The following PERP variants were observed in gnomAD, a reference collection of about 807,000 sequenced individuals.
PERP encodes p53 apoptosis effector related to PMP-22.
A neutral mutation model predicts 20.3 loss-of-function variants in PERP; 11 were observed. That is an observed-to-expected ratio of 0.54 (90% CI 0.34 to 0.90). The LOEUF (loss-of-function observed/expected upper bound fraction) is 0.90. Among genes scored for constraint, PERP ranks in the 40% least tolerant of loss-of-function variants. The probability of loss-of-function intolerance (pLI) is 0.02; values close to 1 mark genes in which losing one functional copy is unlikely to be tolerated. For synonymous variants in PERP, 101 were observed against 102.0 expected, an observed-to-expected ratio of 0.99 and a Z score of 0.06; for missense variants, 224 against 249.4, an observed-to-expected ratio of 0.90 and a Z score of 0.69.
intron 1 of PERP, among the ~76,000 whole-genome samples, chr6:138,106,182 AG>A (rs1302109238): frequency 1.3e-5 from 2 of 152,308 alleles, no homozygotes; most frequent in East Asian, 3.9e-4. Context: ...CGGTAGGTAA[AG>A]CCCATTTGGC....
At chr6:138,092,381 A>G in intron 2 of PERP, 113 bp from the exon 3 acceptor site, 1 of 953,276 alleles carries the variant, frequency 1.0e-6, no homozygotes. Flanking sequence ...AAATAAGTAT[A>G]AAATCTACCT....
intron 2 of PERP, among the ~76,000 whole-genome samples, chr6:138,095,660 C>T (rs1404398526): frequency 6.6e-6 from 1 of 152,176 alleles, no homozygotes; most frequent in Non-Finnish European, 1.5e-5. Flanking sequence ...AATCTAACTC[C>T]GTGGCTAGGG....
intron 1 of PERP, among the ~76,000 whole-genome samples, chr6:138,100,728 C>T (rs576572990): frequency 2.6e-5 from 4 of 152,082 alleles, no homozygotes; most frequent in South Asian, 2.1e-4. Flanking sequence ...AAGGGAAGAC[C>T]AATTTGGTGT....
intron 1 of PERP, among the ~76,000 whole-genome samples, chr6:138,097,626 A>G (rs1219831306): frequency 6.6e-6 from 1 of 152,160 alleles, no homozygotes; most frequent in African/African-American, 2.4e-5. Context: ...TATTGTTTCT[A>G]TTTTAGAAAT....
chr6:138,104,069 TGAACAAGCTGGA>T (rs1775810980), intron 1 of PERP, among the ~76,000 whole-genome samples: 1 of 152,208 alleles, frequency 6.6e-6, no homozygotes, highest in Non-Finnish European at 1.5e-5. Context: ...ATTCTCCCCT[TGAACAAGCTGGA>T]GCTTGCCTGT....
chr6:138,098,233 A>C (rs541432977), intron 1 of PERP, among the ~76,000 whole-genome samples: 1 of 152,158 alleles, frequency 6.6e-6, no homozygotes, highest in South Asian at 2.1e-4. Flanking sequence ...TCTTGGCGTT[A>C]CTCTTACTCT....
chr6:138,107,287 G>A lies in PERP; in HGVS notation c.54C>T (p.Leu18=). The change falls in exon 1 of 3, where the codon CTC becomes CTT. Residue 18 remains leucine (L), a synonymous_variant. Coordinates refer to ENST00000421351, the MANE Select transcript of PERP (RefSeq NM_022121.5). This position sits in a 1 kb window ranked among gnomAD's most constrained non-coding sequence, Gnocchi z 4.8. ...CERCRWILPL[L]LLSAIAFDII... Reference sequence around the variant, plus strand: ...TGTCGAAGGCGATGGCGCTGAGTAGGAGCAGGGGCAGGATCCAGCGGCAGC... The same window carrying A: ...TGTCGAAGGCGATGGCGCTGAGTAGAAGCAGGGGCAGGATCCAGCGGCAGC... The A allele has an allele frequency of 1.2e-6, 2 of 1,610,114 alleles. No individual in the cohort carries two copies. The highest frequency in any genetic ancestry group is 2.2e-5 in the East Asian group (1 of 44,832).
chr6:138,106,663 A>G (rs569700557), intron 1 of PERP, among the ~76,000 whole-genome samples: 1 of 152,324 alleles, frequency 6.6e-6, no homozygotes, highest in South Asian at 2.1e-4. Context: ...TTTAAATGAG[A>G]AAGTTTTTTC....
Position 138,107,021 on chromosome 6 carries a change from C to T in PERP, c.214+106G>A, listed in dbSNP as rs1488522206. The T allele has an allele frequency of 2.6e-6, 3 of 1,161,194 alleles. No individual in the cohort carries two copies. The highest frequency in any genetic ancestry group is 2.7e-5 in the Admixed American group (1 of 37,660). 71.9% of individuals were successfully genotyped at this position (1,161,194 alleles called of 1,614,324 possible). A position where few individuals can be genotyped will look rare whatever the true frequency, so the allele number is the denominator to read the frequency against. ...TCCTAAACAGGCATTCTGAAAAGCA[C>T]TGGCTCCCCCGACCCTGTGAGGGCC... is the stretch of plus-strand genomic sequence containing the variant. On this transcript the variant is annotated intron_variant, in intron 1 of 2. Coordinates refer to ENST00000421351, the MANE Select transcript of PERP (RefSeq NM_022121.5). The surrounding 1 kb of genome is among the most constrained non-coding windows in gnomAD (Gnocchi z 4.8).
chr6:138,095,295 T>C (rs1775662892), intron 2 of PERP, among the ~76,000 whole-genome samples: 1 of 152,214 alleles, frequency 6.6e-6, no homozygotes, highest in South Asian at 2.1e-4. Flanking sequence ...CTGTCAAATG[T>C]GCCGTGAAGA....
intron 1 of PERP, among the ~76,000 whole-genome samples, chr6:138,104,347 G>C (rs1775814811): frequency 6.6e-6 from 1 of 152,130 alleles, no homozygotes; most frequent in Non-Finnish European, 1.5e-5. Context: ...TAATTTAGCT[G>C]GTCAAAGAAA....
intron 2 of PERP, among the ~76,000 whole-genome samples, chr6:138,092,562 G>C (rs1775606478): frequency 6.6e-6 from 1 of 152,008 alleles, no homozygotes; most frequent in Admixed American, 6.6e-5. Context: ...ATATACTAAA[G>C]CAAAAAAGTG....
At chr6:138,094,459 T>A (rs1313747986) in intron 2 of PERP, among the ~76,000 whole-genome samples, 1 of 152,208 alleles carries the variant, frequency 6.6e-6, no homozygotes, top group Admixed American at 6.5e-5. Context: ...GTAGCATATA[T>A]CAAAATTTCA....
In PERP at chr6:138,089,077, G is replaced by A. The variant is rs1487264313; in HGVS notation, c.*2965C>T. The A allele has an allele frequency of 6.6e-6, 1 of 152,038 alleles. No individual in the cohort carries two copies. The highest frequency in any genetic ancestry group is 1.5e-5 in the Non-Finnish European group (1 of 68,006). The allele number at this position is 152,038 out of a possible 1,614,324, so 9.4% of individuals were successfully genotyped here. On this transcript the variant is annotated 3_prime_UTR_variant, in exon 3 of 3. Transcript: ENST00000421351. Reference sequence around the variant, plus strand: ...TTCTATCAATCAGAGAATCTTGAAGGTAGGGGGATCATTTACAATCATTTT... The same window carrying A: ...TTCTATCAATCAGAGAATCTTGAAGATAGGGGGATCATTTACAATCATTTT...
intron 1 of PERP, among the ~76,000 whole-genome samples, chr6:138,103,969 C>G (rs1379965057): frequency 1.3e-5 from 2 of 152,140 alleles, no homozygotes; most frequent in Admixed American, 6.5e-5. Flanking sequence ...AAACCGGAGG[C>G]TTTGTACTTC....
intron 2 of PERP, among the ~76,000 whole-genome samples, chr6:138,096,074 A>G (rs1328495996): frequency 6.6e-6 from 1 of 152,196 alleles, no homozygotes; most frequent in East Asian, 1.9e-4. Flanking sequence ...TTTCTCGGGT[A>G]GAGGAGTCAG....
intron 1 of PERP, among the ~76,000 whole-genome samples, chr6:138,101,423 CTTTTA>C (rs1326666248): frequency 2.6e-5 from 4 of 152,146 alleles, no homozygotes; most frequent in African/African-American, 4.8e-5. Flanking sequence ...ATAAAATAAA[CTTTTA>C]TTTTAAGACA....
At chr6:138,094,804 T>C (rs1775651172) in intron 2 of PERP, among the ~76,000 whole-genome samples, 1 of 152,172 alleles carries the variant, frequency 6.6e-6, no homozygotes, top group Admixed American at 6.5e-5. Flanking sequence ...CACTGCAACC[T>C]CCACCTCCCA....
rs534610750 is a variant in PERP at position 138,106,739 on chromosome 6, T to G, written c.214+388A>C. ...GCACGTTATTTCAATATTTATATTT[T>G]AATCATAAGAAGAAACGAGAAGGAA... On this transcript the variant is annotated intron_variant, in intron 1 of 2. Coordinates refer to ENST00000421351, the MANE Select transcript of PERP (RefSeq NM_022121.5). Among the ~76,000 whole-genome samples the G allele has an allele frequency of 1.9e-4, 29 of 152,270 alleles. 1 individual carries two copies. The East Asian group carries it at 5.0e-3, about 26-fold the overall frequency.
Sources: allele counts gnomAD v4.1 joint callset (sites outside exome capture counted in the v4.1 genomes callset), GRCh38; gene constraint gnomAD v4.1.1; non-coding constraint Gnocchi (gnomAD v3.1); transcripts MANE v1.5; gene names NCBI Gene and HGNC (gene_info 2026-07-23, HGNC 2026-07-21).